The following ANK2 variants were observed in gnomAD, a reference collection of about 807,000 sequenced individuals.
The protein encoded by ANK2 is ankyrin-2.
In ANK2, 83 loss-of-function variants were observed where a neutral mutation model predicts 360.5. That is an observed-to-expected ratio of 0.23 (90% CI 0.19 to 0.28). ANK2 has a LOEUF of 0.28. Among genes scored for constraint, ANK2 ranks in the 10% least tolerant of loss-of-function variants. ANK2 has a pLI of 1.00. For synonymous variants in ANK2, 1,740 were observed against 1,759.5 expected (o/e 0.99, Z 0.28); for missense variants, 4,201 against 4,795.7 (o/e 0.88, Z 3.66).
At chr4:112,783,628 A>ATTATTTATTTAT in the ANK2 span, among the ~76,000 whole-genome samples, 4,554 of 141,178 alleles carry the variant, frequency 0.032, 113 homozygotes, top group East Asian at 0.11. Context: ...ATGTTGATAT[A>ATTATTTATTTAT]TTATTTATTT....
chr4:113,268,476 A>C (rs765990119), intron 14 of ANK2, among the ~76,000 whole-genome samples: 1 of 152,002 alleles, frequency 6.6e-6, no homozygotes, highest in Admixed American at 6.6e-5. Flanking sequence ...GTTGAATTTT[A>C]TCAGTTTTTT....
intron 37 of ANK2, 125 bp from the exon 38 acceptor site, chr4:113,352,920 T>G: frequency 9.3e-7 from 1 of 1,074,128 alleles, no homozygotes; most frequent in Non-Finnish European, 1.3e-6. Context: ...TCCCAGCCCA[T>G]TTTGTTGCCC....
chr4:112,828,827 CT>C (rs1397789063), intron 1 of ANK2, among the ~76,000 whole-genome samples: 2 of 152,144 alleles, frequency 1.3e-5, no homozygotes, highest in African/African-American at 4.8e-5. Flanking sequence ...CTATAAGGCA[CT>C]TAAAGCAAAA....
intron 1 of ANK2, among the ~76,000 whole-genome samples, chr4:112,876,705 A>G (rs928864205): frequency 6.6e-6 from 1 of 152,218 alleles, no homozygotes; most frequent in Non-Finnish European, 1.5e-5. Context: ...TTACCTGGTA[A>G]GGGAGCGAAT....
chr4:113,303,558 G>A (rs997252466), intron 23 of ANK2, among the ~76,000 whole-genome samples: 11 of 152,102 alleles, frequency 7.2e-5, no homozygotes, highest in African/African-American at 1.2e-4. Flanking sequence ...GAGGGTGTCC[G>A]GCTCCCTATC....
intron 33 of ANK2, among the ~76,000 whole-genome samples, chr4:113,342,271 G>A (rs2094385871): frequency 6.6e-6 from 1 of 152,206 alleles, no homozygotes; most frequent in Admixed American, 6.5e-5. Context: ...AGTCTGGGAA[G>A]TATATCTTTT....
chr4:112,828,884 T>C (rs189345215), intron 1 of ANK2, among the ~76,000 whole-genome samples: 1 of 152,320 alleles, frequency 6.6e-6, no homozygotes, highest in Non-Finnish European at 1.5e-5. Context: ...CTGGGTGTGG[T>C]GGTTCACACC....
At chr4:113,065,174 A>G (rs1323231986) in intron 1 of ANK2, among the ~76,000 whole-genome samples, 2 of 112,604 alleles carry the variant, frequency 1.8e-5, no homozygotes, top group East Asian at 6.2e-4. Context: ...AGAACTTCTA[A>G]CAAAAATGTT....
chr4:112,757,032 T>C, the ANK2 span, among the ~76,000 whole-genome samples: 2 of 151,964 alleles, frequency 1.3e-5, no homozygotes, highest in Non-Finnish European at 2.9e-5. Context: ...GTGCCATCAC[T>C]TAAAAAAAAT....
chr4:113,264,999 G>C lies in ANK2; in HGVS notation c.1485+4G>C. On this transcript the variant is annotated splice_donor_region_variant and intron_variant, in intron 14 of 45. Transcript: ENST00000357077. Reference sequence around the variant, plus strand: ...CCTTGTTGATGCCAGAGCCAGGGTAGGTACTGGTGCCCTGAGGTTCTCTTC... The same window carrying C: ...CCTTGTTGATGCCAGAGCCAGGGTACGTACTGGTGCCCTGAGGTTCTCTTC... 6.4e-7 allele frequency: 1 copy of C among 1,557,126 alleles called. No individual in the cohort carries two copies. Among genetic ancestry groups the C allele is most frequent in the Non-Finnish European group, 8.7e-7 (1 of 1,149,422 alleles).
intron 1 of ANK2, among the ~76,000 whole-genome samples, chr4:113,126,725 AC>A (rs1193645562): frequency 3.9e-5 from 6 of 152,156 alleles, no homozygotes; most frequent in Admixed American, 1.3e-4. Flanking sequence ...CTGACTACAA[AC>A]ACATTATCGA....
At chr4:112,711,857 A>T in the ANK2 span, among the ~76,000 whole-genome samples, 1 of 150,624 alleles carries the variant, frequency 6.6e-6, no homozygotes, top group African/African-American at 2.4e-5. Flanking sequence ...AATAAAAAAT[A>T]AAATTAAAAA....
chr4:112,763,226 A>AT, the ANK2 span, among the ~76,000 whole-genome samples: 60,640 of 144,718 alleles, frequency 0.42, 12,627 homozygotes, highest in South Asian at 0.44. Context: ...CACCTGGCTA[A>AT]TTTTTTTTTT....
chr4:113,077,432 T>C (rs884556), intron 1 of ANK2, among the ~76,000 whole-genome samples: 42,076 of 151,890 alleles, frequency 0.28, 6,440 homozygotes, highest in African/African-American at 0.41. Flanking sequence ...ACTTTTATAA[T>C]TAGGTAAAAA....
intron 1 of ANK2, among the ~76,000 whole-genome samples, chr4:112,836,485 GA>G (rs1424352486): frequency 1.3e-5 from 2 of 152,224 alleles, no homozygotes; most frequent in Non-Finnish European, 2.9e-5. Context: ...GGTAGAGTTT[GA>G]AAGAGTTTTG....
At chr4:113,151,039 C>G (rs2097057152) in intron 1 of ANK2, 1 of 1,266,920 alleles carries the variant, frequency 7.9e-7, no homozygotes, top group Admixed American at 2.4e-5. Flanking sequence ...AGGAAATCAC[C>G]CAAAGTAGCA....
intron 4 of ANK2, among the ~76,000 whole-genome samples, chr4:113,220,342 T>C (rs362472): frequency 0.028 from 4,249 of 152,240 alleles, 96 homozygotes; most frequent in East Asian, 0.068. Context: ...ATTATGTGAA[T>C]CTTACTGGAA....
intron 2 of ANK2, among the ~76,000 whole-genome samples, chr4:112,993,281 CA>C (rs578134772): frequency 5.4e-5 from 8 of 147,986 alleles, no homozygotes; most frequent in South Asian, 2.1e-4. Context: ...GACCCTGTCT[CA>C]AAAAAAAAAT....
At chr4:113,002,609 C>T (rs1004041304) in intron 2 of ANK2, among the ~76,000 whole-genome samples, 1 of 152,182 alleles carries the variant, frequency 6.6e-6, no homozygotes, top group East Asian at 1.9e-4. Context: ...TCTTGATCTC[C>T]ACCTGTACTA....
Sources: allele counts gnomAD v4.1 joint callset (sites outside exome capture counted in the v4.1 genomes callset), GRCh38; gene constraint gnomAD v4.1.1; transcripts MANE v1.5; gene names NCBI Gene and HGNC (gene_info 2026-07-23, HGNC 2026-07-21).